The following GRM8 variants were observed in gnomAD, a reference collection of about 807,000 sequenced individuals.
GRM8 encodes the protein metabotropic glutamate receptor 8.
In GRM8, 47 loss-of-function variants were observed where a neutral mutation model predicts 87.2. The ratio of observed to expected loss-of-function variants is 0.54; its 90% CI spans 0.43 to 0.69. The LOEUF (loss-of-function observed/expected upper bound fraction) is 0.69, where lower values mean the gene tolerates loss of function less well. Ranked by LOEUF, GRM8 falls within the 30% of genes least tolerant of loss-of-function variation. The probability of loss-of-function intolerance (pLI) is 0.00; values close to 1 mark genes in which losing one functional copy is unlikely to be tolerated. For synonymous variants in GRM8, 396 were observed against 404.5 expected, an observed-to-expected ratio of 0.98 and a Z score of 0.25; for missense variants, 1,019 against 1,139.2, an observed-to-expected ratio of 0.89 and a Z score of 1.52.
At chr7:126,843,535 A>C (rs1171126744) in intron 6 of GRM8, among the ~76,000 whole-genome samples, 1 of 152,254 alleles carries the variant, frequency 6.6e-6, no homozygotes, top group Non-Finnish European at 1.5e-5. Context: ...GCAAAGATAC[A>C]GCTGAACACC....
At chr7:126,965,657 T>C (rs976545772) in intron 3 of GRM8, among the ~76,000 whole-genome samples, 5 of 152,152 alleles carry the variant, frequency 3.3e-5, no homozygotes, top group Non-Finnish European at 5.9e-5. Flanking sequence ...CTACACCCTC[T>C]CTACCATAAG....
rs571473876 is a variant in GRM8, at chr7:126,712,324, A to G, written c.1357+57541T>C. Reference sequence around the variant, plus strand: ...TTCCCATCTTATATAGATGAGGTTTATAATGCTCCAAAACAATTATAATAA... The same window carrying G: ...TTCCCATCTTATATAGATGAGGTTTGTAATGCTCCAAAACAATTATAATAA... On this transcript the variant is annotated intron_variant, in intron 7 of 10. Transcript: ENST00000339582. Among the ~76,000 whole-genome samples the G allele has an allele frequency of 3.0e-4, 46 of 152,326 alleles. No homozygotes were observed. In the South Asian group the frequency reaches 9.5e-3, roughly 32 times the overall value.
At chr7:126,554,512 G>T (rs1792928373) in intron 8 of GRM8, among the ~76,000 whole-genome samples, 1 of 152,076 alleles carries the variant, frequency 6.6e-6, no homozygotes, top group Non-Finnish European at 1.5e-5. Flanking sequence ...AGGATTGCTT[G>T]AGCCCAGGAG....
rs566722144 is a variant in GRM8, at chr7:127,080,033, G to A, written c.727+26463C>T. Among the ~76,000 whole-genome samples, 5 of 152,300 alleles carry A rather than the reference G, an allele frequency of 3.3e-5. No individual in the cohort carries two copies. In the East Asian group the frequency reaches 9.7e-4, roughly 29 times the overall value. ...ACCTGTGAATATGGTAGGTTACACT[G>A]CAAAGGAAAATTAAGGTTGCAAATG... On this transcript the variant is annotated intron_variant, in intron 3 of 10. Transcript: ENST00000339582.
At chr7:126,981,532 T>C (rs1024329978) in intron 3 of GRM8, among the ~76,000 whole-genome samples, 1 of 152,158 alleles carries the variant, frequency 6.6e-6, no homozygotes. Context: ...CTCAAGTCAC[T>C]CTTCCTCTTC....
chr7:127,113,727 G>A (rs1241963123), intron 2 of GRM8, among the ~76,000 whole-genome samples: 4 of 152,074 alleles, frequency 2.6e-5, no homozygotes, highest in Non-Finnish European at 5.9e-5. Flanking sequence ...CTACCACCTG[G>A]CCTTGGGGTA....
intron 2 of GRM8, chr7:127,229,372 C>T (rs1251260567): frequency 6.6e-6 from 1 of 152,146 alleles, no homozygotes; most frequent in Non-Finnish European, 1.5e-5. Flanking sequence ...GAAAAACATT[C>T]TCCACTTAAT....
At chr7:126,648,587 T>G (rs952721158) in intron 7 of GRM8, among the ~76,000 whole-genome samples, 1 of 152,256 alleles carries the variant, frequency 6.6e-6, no homozygotes, top group African/African-American at 2.4e-5. Flanking sequence ...ACAGGACAGA[T>G]TCATTAGCTG....
chr7:126,482,583 C>G (rs1432067962), intron 9 of GRM8, among the ~76,000 whole-genome samples: 2 of 151,814 alleles, frequency 1.3e-5, no homozygotes, highest in Non-Finnish European at 2.9e-5. Flanking sequence ...ATATAAGGTA[C>G]CTAGAGTACT....
At chr7:126,914,124 C>T (rs1224588193) in intron 3 of GRM8, among the ~76,000 whole-genome samples, 1 of 152,132 alleles carries the variant, frequency 6.6e-6, no homozygotes, top group Non-Finnish European at 1.5e-5. Flanking sequence ...CAGAAGCAGA[C>T]ACTTCTCAAA....
chr7:126,564,830 A>T (rs1794057903), intron 8 of GRM8, among the ~76,000 whole-genome samples: 1 of 152,220 alleles, frequency 6.6e-6, no homozygotes, highest in African/African-American at 2.4e-5. Context: ...ATTCTCAACA[A>T]AATACAAGCA....
At chr7:126,936,414 G>A (rs369778172) in intron 3 of GRM8, among the ~76,000 whole-genome samples, 130 of 152,046 alleles carry the variant, frequency 8.6e-4, no homozygotes, top group Admixed American at 2.6e-4. Flanking sequence ...TTTATAACCC[G>A]TCAATAGGAT....
In GRM8 at chr7:126,745,469, T is replaced by C. The variant is rs558530743; in HGVS notation, c.1357+24396A>G. 6.7e-5 allele frequency among the ~76,000 whole-genome samples: 10 copies of C among 150,088 alleles called. No individual in the cohort carries two copies. In the South Asian group the frequency reaches 2.1e-3, roughly 32 times the overall value. On this transcript the variant is annotated intron_variant, in intron 7 of 10. Transcript: ENST00000339582. ...GTGTGTGTCTGCATCTGTGTGTATA[T>C]GTCCAACTGCTTCCTAAATATCTTC...
chr7:126,605,914 G>A (rs910271526), intron 8 of GRM8, among the ~76,000 whole-genome samples: 5 of 152,212 alleles, frequency 3.3e-5, no homozygotes, highest in Middle Eastern at 3.4e-3. Context: ...TGGTTGGTCC[G>A]AGTGTTTGTC....
intron 7 of GRM8, among the ~76,000 whole-genome samples, chr7:126,751,397 T>C (rs987862954): frequency 6.6e-6 from 1 of 151,974 alleles, no homozygotes; most frequent in Non-Finnish European, 1.5e-5. Flanking sequence ...CTTATACCTA[T>C]TACTACCTTT....
At chr7:126,900,409 T>A (rs1429313415) in intron 6 of GRM8, among the ~76,000 whole-genome samples, 4 of 152,248 alleles carry the variant, frequency 2.6e-5, no homozygotes, top group African/African-American at 9.6e-5. Flanking sequence ...GGTTGTTATA[T>A]AAACACAACA....
chr7:126,458,339 A>G (rs77164848), intron 9 of GRM8, among the ~76,000 whole-genome samples: 5,127 of 151,386 alleles, frequency 0.034, 123 homozygotes, highest in Middle Eastern at 0.06. Context: ...GCCAAGTTGA[A>G]AATACATTTT....
At chr7:126,589,432 G>A (rs956079543) in intron 8 of GRM8, among the ~76,000 whole-genome samples, 7 of 152,018 alleles carry the variant, frequency 4.6e-5, no homozygotes, top group Non-Finnish European at 7.4e-5. Context: ...CCATTGACCC[G>A]GGAACCACAA....
At chr7:126,566,856 AG>A (rs1022816750) in intron 8 of GRM8, among the ~76,000 whole-genome samples, 1 of 152,218 alleles carries the variant, frequency 6.6e-6, no homozygotes, top group African/African-American at 2.4e-5. Context: ...TTTTTTAAAG[AG>A]GAAATTCCGC....
Sources: gnomAD v4.1 joint callset for allele counts (sites outside exome capture counted in the v4.1 genomes callset) on GRCh38, gnomAD v4.1.1 for gene constraint, MANE v1.5 for transcripts, NCBI Gene and HGNC (gene_info 2026-07-23, HGNC 2026-07-21) for gene names.